The following AFG2A variants were observed in gnomAD, a reference collection of about 807,000 sequenced individuals.
The protein encoded by AFG2A is ATPase family gene 2 protein homolog A.
the AFG2A span, among the ~76,000 whole-genome samples, chr4:122,944,608 G>C: frequency 2.0e-5 from 3 of 152,262 alleles, no homozygotes; most frequent in Admixed American, 6.5e-5. Context: ...GGAGTAGTTT[G>C]ATCGTCTGAA....
chr4:123,194,125 A>G, the AFG2A span, among the ~76,000 whole-genome samples: 1 of 152,214 alleles, frequency 6.6e-6, no homozygotes, highest in African/African-American at 2.4e-5. Context: ...TTATGAAGCA[A>G]CAACTTGAAA....
the AFG2A span, among the ~76,000 whole-genome samples, chr4:123,224,161 T>A: frequency 6.6e-6 from 1 of 152,110 alleles, no homozygotes; most frequent in Non-Finnish European, 1.5e-5. Context: ...CCAGCACCAT[T>A]TATTTATTTA....
At chr4:123,226,690 G>A in the AFG2A span, among the ~76,000 whole-genome samples, 2 of 152,104 alleles carry the variant, frequency 1.3e-5, no homozygotes, top group African/African-American at 4.8e-5. Flanking sequence ...TTGTGTCTCT[G>A]CCAGTCTTTG....
chr4:123,016,370 C>T, the AFG2A span, among the ~76,000 whole-genome samples: 3 of 147,734 alleles, frequency 2.0e-5, no homozygotes, highest in African/African-American at 7.6e-5. Flanking sequence ...TCATATGGGG[C>T]GGTTGCCAGG....
the AFG2A span, among the ~76,000 whole-genome samples, chr4:123,000,912 C>T: frequency 4.1e-5 from 4 of 96,612 alleles, no homozygotes; most frequent in African/African-American, 1.3e-4. Context: ...TGGTAGAATT[C>T]GGCTGTGAAT....
the AFG2A span, among the ~76,000 whole-genome samples, chr4:123,060,405 A>G: frequency 2.0e-5 from 3 of 152,226 alleles, no homozygotes; most frequent in African/African-American, 7.2e-5. Flanking sequence ...CTGAACATCC[A>G]GGGATTTCCA....
chr4:123,284,411 G>T, the AFG2A span, among the ~76,000 whole-genome samples: 1 of 152,184 alleles, frequency 6.6e-6, no homozygotes, highest in African/African-American at 2.4e-5. Flanking sequence ...CCCAGTATTT[G>T]ATTTATACAT....
chr4:123,293,973 A>C, the AFG2A span, among the ~76,000 whole-genome samples: 541 of 151,374 alleles, frequency 3.6e-3, 3 homozygotes, highest in South Asian at 9.2e-3. Flanking sequence ...TCCCCTTAAC[A>C]CTCCATTTGG....
the AFG2A span, among the ~76,000 whole-genome samples, chr4:123,010,789 G>A: frequency 6.6e-6 from 1 of 152,136 alleles, no homozygotes; most frequent in Admixed American, 6.5e-5. Context: ...CTCGCTCTGT[G>A]CCTGAGATAC....
At chr4:122,986,817 G>C in the AFG2A span, among the ~76,000 whole-genome samples, 8 of 152,138 alleles carry the variant, frequency 5.3e-5, no homozygotes, top group African/African-American at 1.9e-4. Flanking sequence ...GTAGTGTTCT[G>C]TATATGTCTG....
chr4:123,051,423 T>C, the AFG2A span, among the ~76,000 whole-genome samples: 1 of 152,066 alleles, frequency 6.6e-6, no homozygotes, highest in East Asian at 1.9e-4. Context: ...GAATTTTTGA[T>C]TTTACAACTT....
At chr4:123,021,483 CCTT>C in the AFG2A span, among the ~76,000 whole-genome samples, 4 of 152,140 alleles carry the variant, frequency 2.6e-5, no homozygotes, top group African/African-American at 7.2e-5. Context: ...CCCCACTACT[CCTT>C]CTTTAATGAT....
chr4:123,002,433 C>T, the AFG2A span, among the ~76,000 whole-genome samples: 18 of 152,230 alleles, frequency 1.2e-4, no homozygotes, highest in South Asian at 2.9e-3. Flanking sequence ...GATTTTGCAG[C>T]GGCTGGTACC....
At chr4:122,929,030 T>G in the AFG2A span, 1 of 1,610,528 alleles carries the variant, frequency 6.2e-7, no homozygotes, top group East Asian at 2.2e-5. Context: ...TTATTTCCTC[T>G]GTCTGGCAGG....
At chr4:123,284,745 A>C in the AFG2A span, among the ~76,000 whole-genome samples, 1 of 152,142 alleles carries the variant, frequency 6.6e-6, no homozygotes. Flanking sequence ...TTGGGGGATT[A>C]GAAGTTTGAG....
the AFG2A span, among the ~76,000 whole-genome samples, chr4:123,147,171 A>G: frequency 6.6e-6 from 1 of 152,142 alleles, no homozygotes; most frequent in Non-Finnish European, 1.5e-5. Context: ...AATCTCTTTA[A>G]ACCAGGAGAT....
the AFG2A span, among the ~76,000 whole-genome samples, chr4:123,237,410 T>C: frequency 1.3e-5 from 2 of 151,864 alleles, no homozygotes; most frequent in East Asian, 3.9e-4. Flanking sequence ...CTGGGCATGA[T>C]GGCTATAATC....
chr4:123,310,571 C>T, the AFG2A span, among the ~76,000 whole-genome samples: 4 of 151,942 alleles, frequency 2.6e-5, no homozygotes, highest in African/African-American at 7.2e-5. Context: ...ACTTCTAATA[C>T]CATGGTACAC....
the AFG2A span, among the ~76,000 whole-genome samples, chr4:123,049,751 T>C: frequency 1.3e-5 from 2 of 152,050 alleles, no homozygotes; most frequent in African/African-American, 4.8e-5. Flanking sequence ...GCTTTGTTGA[T>C]TTTATGGTTT....
Sources: gnomAD v4.1 joint callset for allele counts (sites outside exome capture counted in the v4.1 genomes callset) on GRCh38, gnomAD v4.1.1 for gene constraint, MANE v1.5 for transcripts, NCBI Gene and HGNC (gene_info 2026-07-23, HGNC 2026-07-21) for gene names.